CCDC121: variants seen among roughly 807,000 people sequenced by gnomAD.
CCDC121 encodes coiled-coil domain-containing protein 121.
For synonymous variants in CCDC121, 108 were observed against 120.0 expected, an observed-to-expected ratio of 0.90 and a Z score of 0.65; for missense variants, 238 against 304.1, an observed-to-expected ratio of 0.78 and a Z score of 1.62.
intron 1 of CCDC121, chr2:27,628,517 G>A: frequency 6.4e-7 from 1 of 1,551,608 alleles, no homozygotes; most frequent in Non-Finnish European, 8.7e-7. Flanking sequence ...CAATGTGCAA[G>A]TGTGGAAAGC....
Position 27,627,208 on chromosome 2 carries a change from C to T in CCDC121, c.592G>A (p.Glu198Lys), listed in dbSNP as rs1673309546. ...AATTCCTTCTTGAACTGCTGGTTCTCTCTGTTGATGCCACAGGAGTATTCA... is the reference window on the plus strand; with the variant it reads ...AATTCCTTCTTGAACTGCTGGTTCTTTCTGTTGATGCCACAGGAGTATTCA... ...IFEYSCGINRENQQFKKELLQ... is the reference protein window; with the variant it reads ...IFEYSCGINRKNQQFKKELLQ... The change falls in exon 2 of 2, where the codon GAG becomes AAG. Residue 198 changes from glutamate (E) to lysine (K), a missense_variant. Coordinates refer to ENST00000324364, the MANE Select transcript of CCDC121 (RefSeq NM_024584.5). The T allele has an allele frequency of 1.2e-6, 2 of 1,614,008 alleles. No homozygotes were observed. Among genetic ancestry groups the T allele is most frequent in the Non-Finnish European group, 1.7e-6 (2 of 1,179,874 alleles).
intron 1 of CCDC121, 85 bp downstream of exon 1, chr2:27,628,865 C>T: frequency 4.8e-6 from 7 of 1,464,968 alleles, no homozygotes; most frequent in Non-Finnish European, 6.3e-6. Flanking sequence ...GCTCAGCGCC[C>T]CCACTTCCTC....
In CCDC121 at chr2:27,628,452, G is replaced by T. The variant is rs1408985703; in HGVS notation, c.-119+498C>A. ...GGCAACTGTGTAGTTCACTGAGGGT[G>T]ACTGCCAAGGAATGAGCGCTAGCAT... On this transcript the variant is annotated intron_variant, in intron 1 of 1. Transcript: ENST00000324364. 1.9e-6 allele frequency: 3 copies of T among 1,551,460 alleles called. No homozygotes were observed. The South Asian group carries it at 3.6e-5, about 18-fold the overall frequency.
At chr2:27,628,072 G>A (rs1174396133) in intron 1 of CCDC121, among the ~76,000 whole-genome samples, 155 bp from the exon 2 acceptor site, 1 of 152,180 alleles carries the variant, frequency 6.6e-6, no homozygotes. Context: ...GGTAAAGGAT[G>A]AGGAATGTAG....
intron 1 of CCDC121, 88 bp downstream of exon 1, chr2:27,628,862 G>A: frequency 6.8e-7 from 1 of 1,464,516 alleles, no homozygotes; most frequent in Non-Finnish European, 9.0e-7. Context: ...CTTGCTCAGC[G>A]CCCCCACTTC....
chr2:27,627,760 G>A lies in CCDC121; in HGVS notation c.40C>T (p.Gln14Ter). Residue 14 changes from glutamine (Q) to a stop codon, truncating the protein, a stop_gained, in exon 2 of 2, where the codon CAG becomes TAG. Coordinates refer to ENST00000324364, the MANE Select transcript of CCDC121 (RefSeq NM_024584.5). LOFTEE classifies it low-confidence loss of function (END_TRUNC). ...GATTCCTCCAGTAGCTGTTTCCGCT[G>A]GGTTTGAGCTTGTTTTATATGCTTG... The part of the protein sequence containing the change: ...LNKHIKQAQT[Q>*]RKQLLEESRE... 4.3e-6 allele frequency: 7 copies of A among 1,613,892 alleles called. No homozygotes were observed. Among genetic ancestry groups the A allele is most frequent in the Non-Finnish European group, 5.9e-6 (7 of 1,180,002 alleles).
chr2:27,628,798 C>T, intron 1 of CCDC121, 152 bp downstream of exon 1: 1 of 1,511,756 alleles, frequency 6.6e-7, no homozygotes, highest in South Asian at 1.3e-5. Context: ...CAAAAGCCCT[C>T]CCAGGCTGCA....
At position 27,627,150 on chromosome 2, in the gene CCDC121, G is replaced by A. The variant is rs757880782; in HGVS notation, c.650C>T (p.Thr217Met). The change falls in exon 2 of 2, where the codon ACG (threonine) becomes ATG (methionine). Residue 217 changes from threonine (T) to methionine (M), a missense_variant. Thr to Met is a moderately conservative substitution (Grantham distance 81). Transcript: ENST00000324364. ...LQLIEQAQKLTATQSHLENRK... is the reference protein window; with the variant it reads ...LQLIEQAQKLMATQSHLENRK... ...GTTTTCTAAGTGGCTTTGAGTAGCC[G>A]TTAGTTTCTGGGCTTGCTCAATTAG... 17 of 1,613,942 alleles carry A rather than the reference G, an allele frequency of 1.1e-5. No individual in the cohort carries two copies. Among genetic ancestry groups the A allele is most frequent in the Non-Finnish European group, 1.4e-5 (17 of 1,179,838 alleles).
chr2:27,628,923 T>C (rs1467102245), intron 1 of CCDC121, 27 bp downstream of exon 1: 1 of 1,496,182 alleles, frequency 6.7e-7, no homozygotes, highest in East Asian at 2.4e-5. Context: ...GCTAAGAAGA[T>C]GCCCTGGCAA....
rs925069888 is a variant in CCDC121 at position 27,626,129 on chromosome 2, T to C, written c.*834A>G. The C allele has an allele frequency of 6.6e-6, 1 of 152,240 alleles. No individual in the cohort carries two copies. The highest frequency in any genetic ancestry group is 1.5e-5 in the Non-Finnish European group (1 of 68,008). 9.4% of individuals were successfully genotyped at this position (152,240 alleles called of 1,614,324 possible). A position where few individuals can be genotyped will look rare whatever the true frequency, so the allele number is the denominator to read the frequency against. ...AATAAATGACCTAAAACTAAAGCAT[T>C]TAGGATAACAAACATCATTTTACTT... On this transcript the variant is annotated 3_prime_UTR_variant, in exon 2 of 2. Transcript: ENST00000324364.
rs1673287567 is a variant in CCDC121, at chr2:27,626,699, C to T, written c.*264G>A. On this transcript the variant is annotated 3_prime_UTR_variant, in exon 2 of 2. Transcript: ENST00000324364. ...AGCTAGTTTGATGTATGGTAAATGG[C>T]TAGGTTAGGGTCATGTGTTAGGTTA... 1 of 341,066 alleles carries T rather than the reference C, an allele frequency of 2.9e-6. No homozygotes were observed. The highest frequency in any genetic ancestry group is 2.1e-5 in the African/African-American group (1 of 47,130). 21.1% of individuals were successfully genotyped at this position (341,066 alleles called of 1,614,324 possible). A position where few individuals can be genotyped will look rare whatever the true frequency, so the allele number is the denominator to read the frequency against.
chr2:27,628,241 C>G, intron 1 of CCDC121: 1 of 766,220 alleles, frequency 1.3e-6, no homozygotes, highest in Admixed American at 2.9e-5. Context: ...TTATGACTTA[C>G]TGAACACTGT....
At chr2:27,628,474 G>A (rs1319354476) in intron 1 of CCDC121, 1 of 1,551,520 alleles carries the variant, frequency 6.4e-7, no homozygotes, top group East Asian at 2.4e-5. Context: ...ATGAGCGCTA[G>A]CATCAGGAAC....
chr2:27,628,921 G>C (rs981608749), intron 1 of CCDC121, 29 bp downstream of exon 1: 3 of 1,494,394 alleles, frequency 2.0e-6, no homozygotes, highest in Non-Finnish European at 1.8e-6. Context: ...ACGCTAAGAA[G>C]ATGCCCTGGC....
chr2:27,627,725 T>G lies in CCDC121; in HGVS notation c.75A>C (p.Leu25=). 6.2e-7 allele frequency: 1 copy of G among 1,614,044 alleles called. No individual in the cohort carries two copies. ...RKQLLEESRE[L]HREKLLVQAE... Reference sequence around the variant, plus strand: ...CCTGGACAAGTAACTTTTCTCGGTGTAGCTCCCTGGATTCCTCCAGTAGCT... The same window carrying G: ...CCTGGACAAGTAACTTTTCTCGGTGGAGCTCCCTGGATTCCTCCAGTAGCT... The change falls in exon 2 of 2, where the codon CTA becomes CTC. Residue 25 remains leucine, a synonymous_variant. Coordinates refer to ENST00000324364, the MANE Select transcript of CCDC121 (RefSeq NM_024584.5).
rs750464781 is a variant in CCDC121, at chr2:27,627,266, C to T, written c.534G>A (p.Gln178=). 1.9e-6 allele frequency: 3 copies of T among 1,613,834 alleles called. No individual in the cohort carries two copies. Among genetic ancestry groups the T allele is most frequent in the South Asian group, 2.2e-5 (2 of 91,076 alleles). ...RKRRELNMKA[Q]ALKLAAKRFI... ...ACCGCTTTGCTGCCAACTTCAAGGC[C>T]TGGGCCTTCATATTAAGCTCTCTTC... The change falls in exon 2 of 2, where the codon CAG becomes CAA. Residue 178 remains glutamine (Q), a synonymous_variant. Transcript: ENST00000324364.
chr2:27,625,856 G>C lies in CCDC121; in HGVS notation c.*1107C>G, dbSNP rs1475848797. ...CACTTAACAATTTCTGGGAAACAAA[G>C]TTCATCCTATTTTCCCATAGAGGAC... On this transcript the variant is annotated 3_prime_UTR_variant, in exon 2 of 2. Transcript: ENST00000324364. The C allele has an allele frequency of 6.6e-6, 1 of 152,134 alleles. No individual in the cohort carries two copies. The highest frequency in any genetic ancestry group is 1.9e-4 in the East Asian group (1 of 5,336). The allele number at this position is 152,134 out of a possible 1,614,324, so 9.4% of individuals were successfully genotyped here. A position where few individuals can be genotyped will look rare whatever the true frequency, so the allele number is the denominator to read the frequency against.
rs779692259 is a variant in CCDC121 at position 27,627,652 on chromosome 2, A to G, written c.148T>C (p.Tyr50His). The change falls in exon 2 of 2, where the codon TAC (tyrosine) becomes CAC (histidine). Residue 50 changes from tyrosine to histidine, a missense_variant. Transcript: ENST00000324364. ...CATACCTTCTCAGGTTGCTCTGTGT[A>G]CTCTTCAGTTTTGTTAGTCAGGTAT... Reference protein sequence around the residue: ...LEYLTNKTEEYTEQPEKVWNS... With the variant: ...LEYLTNKTEEHTEQPEKVWNS... 3.1e-6 allele frequency: 5 copies of G among 1,609,630 alleles called. 1 individual carries two copies. In the South Asian group the frequency reaches 4.4e-5, roughly 14 times the overall value.
intron 1 of CCDC121, chr2:27,628,492 T>G (rs1400986159): frequency 6.4e-7 from 1 of 1,551,310 alleles, no homozygotes; most frequent in Admixed American, 2.0e-5. Context: ...AACCTGCGTC[T>G]GCAACTCGCG....
Sources: gnomAD v4.1 joint callset for allele counts (sites outside exome capture counted in the v4.1 genomes callset) on GRCh38, gnomAD v4.1.1 for gene constraint, MANE v1.5 for transcripts, NCBI Gene and HGNC (gene_info 2026-07-23, HGNC 2026-07-21) for gene names.